The following SRGAP3 variants were observed in gnomAD, a reference collection of about 807,000 sequenced individuals.
SRGAP3 encodes the protein SLIT-ROBO Rho GTPase activating protein 3.
A neutral mutation model predicts 121.1 loss-of-function variants in SRGAP3; 39 were observed. The ratio of observed to expected loss-of-function variants is 0.32; its 90% CI spans 0.25 to 0.42. The LOEUF is 0.42. Among genes scored for constraint, SRGAP3 ranks in the 10% least tolerant of loss-of-function variants. The probability of loss-of-function intolerance (pLI) is 1.00; values close to 1 mark genes in which losing one functional copy is unlikely to be tolerated. For synonymous variants in SRGAP3, 601 were observed against 570.0 expected (o/e 1.05, Z -0.77); for missense variants, 1,213 against 1,470.6 (o/e 0.82, Z 2.86).
chr3:9,295,405 A>C (rs1954935541), intron 3 of SRGAP3, among the ~76,000 whole-genome samples: 1 of 152,122 alleles, frequency 6.6e-6, no homozygotes, highest in Admixed American at 6.5e-5. Context: ...AAAACCTACC[A>C]TATCTCTACA....
At chr3:9,291,551 A>G (rs1261779389) in intron 3 of SRGAP3, among the ~76,000 whole-genome samples, 1 of 152,004 alleles carries the variant, frequency 6.6e-6, no homozygotes. Context: ...TCTCCCAAAA[A>G]ACAATCAATA....
At chr3:9,254,630 C>T (rs1954087244), upstream of SRGAP3, among the ~76,000 whole-genome samples, 2 of 151,960 alleles carry the variant, frequency 1.3e-5, no homozygotes, top group African/African-American at 4.8e-5. Context: ...CTCTTCTCTA[C>T]AAAAAATAAA....
chr3:9,143,060 G>A (rs564121287), intron 1 of SRGAP3, among the ~76,000 whole-genome samples: 10 of 151,994 alleles, frequency 6.6e-5, no homozygotes, highest in Admixed American at 3.9e-4. Flanking sequence ...GGCTGGTCGA[G>A]AACTCCAGGG....
chr3:9,090,399 C>A (rs997104189), intron 3 of SRGAP3, among the ~76,000 whole-genome samples: 1 of 133,204 alleles, frequency 7.5e-6, no homozygotes, highest in African/African-American at 2.6e-5. Context: ...ACCCTTATTT[C>A]TTTGCACAAA....
intron 15 of SRGAP3, chr3:9,014,163 G>C: frequency 2.3e-6 from 1 of 426,154 alleles, no homozygotes; most frequent in East Asian, 4.9e-5. Flanking sequence ...CCTGAGAGGA[G>C]GATCCCACCT....
chr3:9,291,969 T>C (rs1954877527), intron 3 of SRGAP3, among the ~76,000 whole-genome samples: 1 of 152,148 alleles, frequency 6.6e-6, no homozygotes, highest in Non-Finnish European at 1.5e-5. Flanking sequence ...GAAAAAGAGA[T>C]GTGGCTGTTT....
chr3:9,157,167 A>G (rs1950446453), intron 1 of SRGAP3, among the ~76,000 whole-genome samples: 1 of 152,216 alleles, frequency 6.6e-6, no homozygotes, highest in South Asian at 2.1e-4. Context: ...CAGGCTATAC[A>G]GGAGGCGTGA....
intron 12 of SRGAP3, among the ~76,000 whole-genome samples, chr3:9,031,224 G>T (rs1330535364): frequency 6.6e-6 from 1 of 152,220 alleles, no homozygotes; most frequent in Non-Finnish European, 1.5e-5. Flanking sequence ...CTCCTTGAGG[G>T]AAGGGAGAGT....
intron 21 of SRGAP3, 105 bp downstream of exon 21, chr3:8,990,407 C>G: frequency 7.1e-7 from 1 of 1,412,888 alleles, no homozygotes; most frequent in Admixed American, 2.0e-5. Flanking sequence ...CTGGCTTAGC[C>G]ATGAGCCTGG....
At chr3:9,121,204 C>G (rs1948992918) in intron 2 of SRGAP3, among the ~76,000 whole-genome samples, 2 of 152,172 alleles carry the variant, frequency 1.3e-5, no homozygotes, top group South Asian at 4.1e-4. Context: ...GCACACGCAC[C>G]CCAGCTCTGC....
intron 3 of SRGAP3, among the ~76,000 whole-genome samples, chr3:9,311,948 A>G (rs947682450): frequency 1.3e-5 from 2 of 152,266 alleles, no homozygotes; most frequent in African/African-American, 2.4e-5. Flanking sequence ...AGTAATTTAC[A>G]TGAGTGCTAA....
intron 3 of SRGAP3, among the ~76,000 whole-genome samples, chr3:9,299,372 A>AAAAG (rs1553569579): frequency 1.9e-4 from 29 of 151,410 alleles, no homozygotes; most frequent in Admixed American, 7.9e-4. Context: ...AAAAAAAAAA[A>AAAAG]AAAAGAAAAG....
At chr3:9,228,179 C>A (rs1484656977) in intron 1 of SRGAP3, among the ~76,000 whole-genome samples, 1 of 151,858 alleles carries the variant, frequency 6.6e-6, no homozygotes, top group Non-Finnish European at 1.5e-5. Flanking sequence ...TCGTGGGGAC[C>A]CAAGAGCTTC....
chr3:9,285,747 C>G lies in SRGAP3; in HGVS notation n.442+40263G>C, dbSNP rs149440062. On this transcript the variant is annotated intron_variant and non_coding_transcript_variant, in intron 3 of 3. Transcript: ENST00000490889. ...GGAGTTATTCAAAGTCCAGCCTGGGCAACATAGTGACGCCCCACCTCAAAA... is the reference window on the plus strand; with the variant it reads ...GGAGTTATTCAAAGTCCAGCCTGGGGAACATAGTGACGCCCCACCTCAAAA... Among the ~76,000 whole-genome samples the G allele has an allele frequency of 2.6e-3, 385 of 145,628 alleles. 1 individual carries two copies. Among genetic ancestry groups the G allele is most frequent in the African/African-American group, 9.2e-3 (363 of 39,254 alleles).
At chr3:9,281,024 C>T (rs1954667879) in intron 3 of SRGAP3, among the ~76,000 whole-genome samples, 1 of 152,036 alleles carries the variant, frequency 6.6e-6, no homozygotes, top group African/African-American at 2.4e-5. Flanking sequence ...GTTTCTAGTT[C>T]CCGGCCTCTA....
At chr3:9,265,698 G>A (rs927806877) in intron 3 of SRGAP3, among the ~76,000 whole-genome samples, 3 of 151,970 alleles carry the variant, frequency 2.0e-5, no homozygotes, top group Non-Finnish European at 4.4e-5. Context: ...GTTAGAATGG[G>A]GATCATTAAA....
At chr3:9,343,915 G>A (rs776658079) in intron 1 of SRGAP3, among the ~76,000 whole-genome samples, 6 of 152,064 alleles carry the variant, frequency 3.9e-5, no homozygotes, top group Non-Finnish European at 8.8e-5. Flanking sequence ...TAAAGTTCTA[G>A]GATTACAGGC....
At chr3:9,348,167 G>A (rs1445446538) in intron 1 of SRGAP3, among the ~76,000 whole-genome samples, 1 of 152,142 alleles carries the variant, frequency 6.6e-6, no homozygotes, top group Non-Finnish European at 1.5e-5. Flanking sequence ...ATCACAAATA[G>A]TTACATTTCA....
intron 1 of SRGAP3, among the ~76,000 whole-genome samples, chr3:9,191,912 T>G (rs1458747486): frequency 6.6e-6 from 1 of 152,176 alleles, no homozygotes; most frequent in Non-Finnish European, 1.5e-5. Flanking sequence ...CTCCTGTTTT[T>G]GCCATGTGAT....
Sources: allele counts gnomAD v4.1 joint callset (sites outside exome capture counted in the v4.1 genomes callset), GRCh38; gene constraint gnomAD v4.1.1; transcripts MANE v1.5; gene names NCBI Gene and HGNC (gene_info 2026-07-23, HGNC 2026-07-21).